The following C9orf72 variants were observed in gnomAD, a reference collection of about 807,000 sequenced individuals.
C9orf72 encodes the protein C9orf72-SMCR8 complex subunit, also known as guanine nucleotide exchange factor C9orf72.
In C9orf72, 44 loss-of-function variants were observed where a neutral mutation model predicts 51.6. The observed-to-expected ratio is 0.85, with a 90% CI of 0.67 to 1.10. C9orf72 has a LOEUF of 1.10. Ranked by LOEUF, C9orf72 falls within the 50% of genes least tolerant of loss-of-function variation. The pLI, the probability that C9orf72 is intolerant of heterozygous loss-of-function variation, is 0.00. For missense variants in C9orf72, 607 were observed against 570.6 expected, an observed-to-expected ratio of 1.06 and a Z score of -0.65; for synonymous variants, 213 against 194.2, an observed-to-expected ratio of 1.10 and a Z score of -0.81.
intron 3 of C9orf72, among the ~76,000 whole-genome samples, chr9:27,562,852 G>GTATTTTGTATTT (rs1339388036): frequency 6.6e-6 from 1 of 151,922 alleles, no homozygotes; most frequent in African/African-American, 2.4e-5. Flanking sequence ...TGTATTTTTA[G>GTATTTTGTATTT]TAGAGACGGG....
Position 27,548,245 on chromosome 9 carries a change from CATT to C in C9orf72, c.1434_1436del (p.Met479del), listed in dbSNP as rs1820813506. On this transcript the variant is annotated inframe_deletion, in exon 11 of 11. Transcript: ENST00000380003. ...TTATTAAGTTACACATTTAAAAAGTCATTAGAACATCTCGTTCTTGCACACTAG... is the reference window on the plus strand; with the variant it reads ...TTATTAAGTTACACATTTAAAAAGTCAGAACATCTCGTTCTTGCACACTAG... The C allele has an allele frequency of 1.2e-6, 2 of 1,606,544 alleles. No individual in the cohort carries two copies. The highest frequency in any genetic ancestry group is 1.3e-5 in the African/African-American group (1 of 74,492).
intron 1 of C9orf72, 111 bp from the exon 2 acceptor site, chr9:27,567,275 G>T: frequency 1.6e-6 from 1 of 637,256 alleles, no homozygotes; most frequent in Non-Finnish European, 2.7e-6. Flanking sequence ...CAAAGATGTG[G>T]AATCCTGTTA....
chr9:27,553,307 G>A (rs552682283), intron 8 of C9orf72, among the ~76,000 whole-genome samples: 6 of 152,158 alleles, frequency 3.9e-5, no homozygotes, highest in South Asian at 2.1e-4. Context: ...CACATTAGCC[G>A]ATTTTATACT....
At position 27,556,790 on chromosome 9, in the gene C9orf72, T is replaced by A. The variant is rs747477332; in HGVS notation, c.862A>T (p.Thr288Ser). 1 of 1,606,700 alleles carries A rather than the reference T, an allele frequency of 6.2e-7. No homozygotes were observed. The highest frequency in any genetic ancestry group is 1.1e-5 in the South Asian group (1 of 90,888). The change falls in exon 8 of 11, where the codon ACT becomes TCT. Residue 288 changes from threonine to serine, a missense_variant. Thr to Ser is a moderately conservative substitution (Grantham distance 58). Transcript: ENST00000380003. Reference protein sequence around the residue: ...LFVQGLLKDSTGSFVLPFRQV... With the variant: ...LFVQGLLKDSSGSFVLPFRQV... The stretch of plus-strand genomic sequence containing the variant: ...CGGAAAGGCAGCACAAAGCTTCCAG[T>A]TGAATCCTGTCAAAATAAAAGGAAA...
At chr9:27,557,209 A>C (rs1819222676) in intron 7 of C9orf72, among the ~76,000 whole-genome samples, 1 of 152,172 alleles carries the variant, frequency 6.6e-6, no homozygotes, top group Non-Finnish European at 1.5e-5. Context: ...AAAGAGATAT[A>C]CCAAATATTA....
intron 1 of C9orf72, chr9:27,571,118 T>A (rs1463322272): frequency 6.6e-6 from 1 of 152,222 alleles, no homozygotes; most frequent in Non-Finnish European, 1.5e-5. Flanking sequence ...TAGTTGTTTA[T>A]GTACCTATCT....
chr9:27,552,427 C>T (rs1820926882), intron 8 of C9orf72, among the ~76,000 whole-genome samples: 2 of 151,950 alleles, frequency 1.3e-5, no homozygotes, highest in South Asian at 4.2e-4. Flanking sequence ...AGCTCGCTGC[C>T]AACCTCTGCC....
chr9:27,558,324 T>C (rs1356206179), intron 7 of C9orf72, among the ~76,000 whole-genome samples, 167 bp downstream of exon 7: 5 of 151,888 alleles, frequency 3.3e-5, no homozygotes, highest in Non-Finnish European at 5.9e-5. Context: ...ATACTAACTA[T>C]AAATCCATAA....
At chr9:27,570,749 CCCAG>C (rs1398241431) in intron 1 of C9orf72, among the ~76,000 whole-genome samples, 4 of 152,122 alleles carry the variant, frequency 2.6e-5, no homozygotes, top group African/African-American at 9.7e-5. Context: ...CACCTGTAAT[CCCAG>C]CTACTCGGGA....
Position 27,554,473 on chromosome 9 carries a change from C to T in C9orf72, c.1091+2088G>A, listed in dbSNP as rs1010994547. 5 of 397,018 alleles carry T rather than the reference C, an allele frequency of 1.3e-5. No individual in the cohort carries two copies. In the East Asian group the frequency reaches 1.8e-4, roughly 14 times the overall value. The allele number at this position is 397,018 out of a possible 1,614,324, so 24.6% of individuals were successfully genotyped here. A position where few individuals can be genotyped will look rare whatever the true frequency, so the allele number is the denominator to read the frequency against. ...GGACACAAAGAAGGAAACAGCAACACCAGGGCCTACTTGAGGGTGGGAGAA... is the reference window on the plus strand; with the variant it reads ...GGACACAAAGAAGGAAACAGCAACATCAGGGCCTACTTGAGGGTGGGAGAA... On this transcript the variant is annotated intron_variant, in intron 8 of 10. Coordinates refer to ENST00000380003, the MANE Select transcript of C9orf72 (RefSeq NM_018325.5).
chr9:27,549,126 G>A (rs560239231), intron 9 of C9orf72, among the ~76,000 whole-genome samples: 1 of 152,210 alleles, frequency 6.6e-6, no homozygotes, highest in East Asian at 1.9e-4. Context: ...ACAGGCATAA[G>A]CCACCAGGCC....
rs146629992 is a variant in C9orf72, at chr9:27,571,825, C to T, written c.-45+1606G>A. Among the ~76,000 whole-genome samples, 21 of 152,330 alleles carry T rather than the reference C, an allele frequency of 1.4e-4. No individual in the cohort carries two copies. In the East Asian group the frequency reaches 3.3e-3, roughly 24 times the overall value. On this transcript the variant is annotated intron_variant, in intron 1 of 10. Transcript: ENST00000380003. Reference sequence around the variant, plus strand: ...GAGAAGCAGGATCCTAAACCGTCCACTTTCCACAACAGGAGCTGCCCAGGA... The same window carrying T: ...GAGAAGCAGGATCCTAAACCGTCCATTTTCCACAACAGGAGCTGCCCAGGA...
chr9:27,566,107 C>A (rs1297670217), intron 2 of C9orf72, among the ~76,000 whole-genome samples: 4 of 152,088 alleles, frequency 2.6e-5, no homozygotes, highest in Non-Finnish European at 4.4e-5. Flanking sequence ...TCAATGTGTT[C>A]TTTAGATACA....
chr9:27,562,619 T>C (rs1819377919), intron 3 of C9orf72, 143 bp from the exon 4 acceptor site: 1 of 432,632 alleles, frequency 2.3e-6, no homozygotes. Context: ...CAAACAAGTC[T>C]ACTACATGTC....
chr9:27,566,724 C>T lies in C9orf72; in HGVS notation c.397G>A (p.Asp133Asn), dbSNP rs749708068. 6.2e-7 allele frequency: 1 copy of T among 1,613,036 alleles called. No homozygotes were observed. Residue 133 changes from aspartate to asparagine, a missense_variant, in exon 2 of 11, where the codon GAT becomes AAT. Coordinates refer to ENST00000380003, the MANE Select transcript of C9orf72 (RefSeq NM_018325.5). ...FYLPLHRVCV[D>N]RLTHIIRKGR... The stretch of plus-strand genomic sequence containing the variant: ...TTCCGGATTATATGTGTTAATCTAT[C>T]AACACACACTCTATGAAGTGGGAGG...
chr9:27,563,085 C>A (rs1819389969), intron 3 of C9orf72, among the ~76,000 whole-genome samples: 2 of 151,834 alleles, frequency 1.3e-5, no homozygotes, highest in African/African-American at 2.4e-5. Context: ...ATGAGGAAAA[C>A]CAAGCACAAA....
At chr9:27,571,666 G>C (rs1286768263) in intron 1 of C9orf72, among the ~76,000 whole-genome samples, 1 of 152,124 alleles carries the variant, frequency 6.6e-6, no homozygotes, top group Non-Finnish European at 1.5e-5. Flanking sequence ...TGCCCAGGTT[G>C]AGCTTGAACT....
At chr9:27,566,046 T>C (rs560523346) in intron 2 of C9orf72, among the ~76,000 whole-genome samples, 1 of 152,194 alleles carries the variant, frequency 6.6e-6, no homozygotes, top group Non-Finnish European at 1.5e-5. Context: ...AAACTGGTAA[T>C]GCTTAATGGA....
In C9orf72 at chr9:27,566,950, T is replaced by C; in HGVS notation, c.171A>G (p.Gly57=). ...TGTGGTTGGCAAGAAAAGTTATTTC[T>C]CCATCACTGAGAAGTACCTGTTCTG... The part of the protein sequence containing the change: ...PKTEQVLLSD[G]EITFLANHTL... The change falls in exon 2 of 11, where the codon GGA becomes GGG. Residue 57 remains glycine (G), a synonymous_variant. Transcript: ENST00000380003. The C allele has an allele frequency of 6.2e-7, 1 of 1,614,124 alleles. No individual in the cohort carries two copies. Among genetic ancestry groups the C allele is most frequent in the Non-Finnish European group, 8.5e-7 (1 of 1,179,978 alleles).
Sources: gnomAD v4.1 joint callset for allele counts (sites outside exome capture counted in the v4.1 genomes callset) on GRCh38, gnomAD v4.1.1 for gene constraint, MANE v1.5 for transcripts, NCBI Gene and HGNC (gene_info 2026-07-23, HGNC 2026-07-21) for gene names.